EBF2: variants seen among roughly 807,000 people sequenced by gnomAD.
EBF2 encodes EBF transcription factor 2.
A neutral mutation model predicts 72.8 loss-of-function variants in EBF2; 21 were observed. The ratio of observed to expected loss-of-function variants is 0.29; its 90% confidence interval spans 0.20 to 0.42. The LOEUF (loss-of-function observed/expected upper bound fraction) is 0.42, where lower values mean the gene tolerates loss of function less well. EBF2 is among the 10% of genes least tolerant of loss of function. The pLI is 1.00. For synonymous variants in EBF2, 299 were observed against 274.2 expected, an observed-to-expected ratio of 1.09 and a Z score of -0.89; for missense variants, 637 against 731.2, an observed-to-expected ratio of 0.87 and a Z score of 1.49.
chr8:25,871,171 C>A (rs562183020), intron 10 of EBF2, among the ~76,000 whole-genome samples: 1 of 152,306 alleles, frequency 6.6e-6, no homozygotes, highest in South Asian at 2.1e-4. Flanking sequence ...CCTCCCTCCC[C>A]CTCCCTACTT....
chr8:25,879,918 C>T (rs1166501059), intron 10 of EBF2, among the ~76,000 whole-genome samples: 1 of 152,078 alleles, frequency 6.6e-6, no homozygotes, highest in East Asian at 1.9e-4. Context: ...GATCTTGTTG[C>T]CTTAATTTGC....
intron 1 of EBF2, among the ~76,000 whole-genome samples, chr8:26,043,018 A>C (rs1805631569): frequency 1.3e-5 from 2 of 152,240 alleles, no homozygotes; most frequent in South Asian, 4.1e-4. Context: ...AAACTGTTAA[A>C]AGGCGAGAAC....
chr8:25,850,255 G>A (rs565186180), intron 15 of EBF2, among the ~76,000 whole-genome samples: 2 of 152,260 alleles, frequency 1.3e-5, no homozygotes, highest in African/African-American at 4.8e-5. Flanking sequence ...TAGGATTACA[G>A]GCACCCACAA....
chr8:25,848,639 C>T (rs537333580), intron 15 of EBF2, among the ~76,000 whole-genome samples: 14 of 152,248 alleles, frequency 9.2e-5, no homozygotes, highest in African/African-American at 2.9e-4. Context: ...GCTCCACTTT[C>T]CCGTGAGAGA....
intron 6 of EBF2, among the ~76,000 whole-genome samples, chr8:25,969,948 A>T (rs952696920): frequency 6.6e-6 from 1 of 152,204 alleles, no homozygotes; most frequent in Non-Finnish European, 1.5e-5. Context: ...TGCCTGATGC[A>T]TGGCAAATGT....
chr8:25,956,132 T>TG (rs1219484430), intron 6 of EBF2, among the ~76,000 whole-genome samples: 2 of 152,146 alleles, frequency 1.3e-5, no homozygotes, highest in Non-Finnish European at 2.9e-5. Flanking sequence ...TTTAAAAAAA[T>TG]TGCTGGCCGG....
intron 6 of EBF2, among the ~76,000 whole-genome samples, chr8:25,999,756 G>A (rs1488488185): frequency 6.6e-6 from 1 of 151,004 alleles, no homozygotes; most frequent in African/African-American, 2.4e-5. Flanking sequence ...TGTTCAGTCT[G>A]TCCACTCAGC....
chr8:25,901,027 G>A (rs538350942), intron 7 of EBF2, among the ~76,000 whole-genome samples: 20 of 152,162 alleles, frequency 1.3e-4, no homozygotes, highest in Non-Finnish European at 2.6e-4. Flanking sequence ...GGATGACTAT[G>A]GATACCCTAA....
chr8:25,898,775 A>G (rs988339546), intron 7 of EBF2, among the ~76,000 whole-genome samples: 3 of 152,180 alleles, frequency 2.0e-5, no homozygotes, highest in Non-Finnish European at 4.4e-5. Flanking sequence ...CCTGTGGCCT[A>G]TCAAAAATCA....
At position 25,902,645 on chromosome 8, in the gene EBF2, G is replaced by A. The variant is rs1281025923; in HGVS notation, c.633+5829C>T. Among the ~76,000 whole-genome samples the A allele has an allele frequency of 5.9e-5, 9 of 152,240 alleles. 1 individual carries two copies. The East Asian group carries it at 1.3e-3, about 23-fold the overall frequency. ...ATCGATTGCCTTCAAGCAGCACACA[G>A]TCTATTGGACAGACAAACAAGAACT... On this transcript the variant is annotated intron_variant, in intron 7 of 15. Coordinates refer to ENST00000520164, the MANE Select transcript of EBF2 (RefSeq NM_022659.4).
chr8:25,997,992 G>A (rs1804664384), intron 6 of EBF2, among the ~76,000 whole-genome samples: 1 of 151,868 alleles, frequency 6.6e-6, no homozygotes, highest in Non-Finnish European at 1.5e-5. Context: ...GGATAAATTG[G>A]CAGAAAAAAA....
intron 7 of EBF2, among the ~76,000 whole-genome samples, chr8:25,908,084 G>A (rs1187224743): frequency 1.3e-5 from 2 of 152,142 alleles, no homozygotes; most frequent in Non-Finnish European, 2.9e-5. Flanking sequence ...ATAGTTAATC[G>A]GTGGAAAAGG....
At chr8:25,877,081 C>T (rs527985303) in intron 10 of EBF2, among the ~76,000 whole-genome samples, 2 of 152,348 alleles carry the variant, frequency 1.3e-5, no homozygotes, top group South Asian at 4.1e-4. Context: ...TCCTCACACA[C>T]TGTGTTTTGC....
intron 14 of EBF2, among the ~76,000 whole-genome samples, chr8:25,853,353 C>G (rs1802021470): frequency 6.6e-6 from 1 of 151,434 alleles, no homozygotes; most frequent in African/African-American, 2.4e-5. Flanking sequence ...GAAAAACGCC[C>G]CAAGAGAAAA....
chr8:25,882,300 G>C (rs538188655), intron 10 of EBF2, among the ~76,000 whole-genome samples: 77 of 152,250 alleles, frequency 5.1e-4, no homozygotes, highest in African/African-American at 1.8e-3. Flanking sequence ...CCTGCGAGGG[G>C]AACAAGGGGA....
chr8:25,979,924 A>AT (rs1486833810), intron 6 of EBF2, among the ~76,000 whole-genome samples: 1 of 152,164 alleles, frequency 6.6e-6, no homozygotes, highest in Non-Finnish European at 1.5e-5. Context: ...AGCAAAAAAA[A>AT]TTCAGGAAGG....
chr8:25,882,469 C>A (rs923040342), intron 10 of EBF2, among the ~76,000 whole-genome samples: 1 of 152,110 alleles, frequency 6.6e-6, no homozygotes, highest in South Asian at 2.1e-4. Flanking sequence ...TTTTCAGGAA[C>A]GTTGTGAGCT....
intron 6 of EBF2, among the ~76,000 whole-genome samples, chr8:26,008,548 T>TA (rs2117230718): frequency 6.6e-6 from 1 of 152,270 alleles, no homozygotes; most frequent in East Asian, 1.9e-4. Context: ...CGTTAACCAC[T>TA]AAAGTACTCA....
chr8:25,855,122 C>T lies in EBF2; in HGVS notation c.1528+3197G>A, dbSNP rs146238176. The stretch of plus-strand genomic sequence containing the variant: ...ATAGAGGCCAAAGTAAAGAAAAGTA[C>T]GTCTGGCCCAGAAATCTCTGTGAAC... On this transcript the variant is annotated intron_variant, in intron 14 of 15. Transcript: ENST00000520164. 1.6e-3 allele frequency among the ~76,000 whole-genome samples: 242 copies of T among 152,230 alleles called. 1 individual carries two copies. The highest frequency in any genetic ancestry group is 2.4e-3 in the Non-Finnish European group (166 of 68,018).
Sources: allele counts gnomAD v4.1 joint callset (sites outside exome capture counted in the v4.1 genomes callset), GRCh38; gene constraint gnomAD v4.1.1; transcripts MANE v1.5; gene names NCBI Gene and HGNC (gene_info 2026-07-23, HGNC 2026-07-21).